The following PCDH9 variants were observed in gnomAD, a reference collection of about 807,000 sequenced individuals.
PCDH9 encodes protocadherin 9.
Under a neutral mutation model 70.6 loss-of-function variants are expected in PCDH9, and 24 were observed. The observed-to-expected ratio is 0.34, with a 90% CI of 0.25 to 0.48. The LOEUF is 0.48. PCDH9 is among the 20% of genes least tolerant of loss of function. The pLI, the probability that PCDH9 is intolerant of heterozygous loss-of-function variation, is 0.99. For synonymous variants in PCDH9, 562 were observed against 558.5 expected (o/e 1.01, Z -0.09); for missense variants, 1,281 against 1,503.6 (o/e 0.85, Z 2.45).
At chr13:66,321,816 T>C (rs1955760494) in intron 4 of PCDH9, among the ~76,000 whole-genome samples, 1 of 151,944 alleles carries the variant, frequency 6.6e-6, no homozygotes, top group Non-Finnish European at 1.5e-5. Context: ...TGCTTGAAGT[T>C]TCTTCTTTGG....
chr13:66,308,754 A>T (rs537913471), intron 4 of PCDH9, among the ~76,000 whole-genome samples: 1 of 152,112 alleles, frequency 6.6e-6, no homozygotes, highest in South Asian at 2.1e-4. Flanking sequence ...GTATCAAAGC[A>T]TTTGCTTAGG....
chr13:66,801,884 TA>T (rs942381105), intron 3 of PCDH9, among the ~76,000 whole-genome samples: 1 of 152,048 alleles, frequency 6.6e-6, no homozygotes, highest in African/African-American at 2.4e-5. Flanking sequence ...ATAATCATTC[TA>T]AAAGTAGTTT....
At chr13:66,716,068 T>C (rs904581503) in intron 3 of PCDH9, among the ~76,000 whole-genome samples, 1 of 152,236 alleles carries the variant, frequency 6.6e-6, no homozygotes, top group African/African-American at 2.4e-5. Flanking sequence ...AAAAACATGC[T>C]TAATACTATC....
Position 67,133,420 on chromosome 13 carries a change from A to G in PCDH9, c.3036+91985T>C, listed in dbSNP as rs574087544. On this transcript the variant is annotated intron_variant, in intron 2 of 4. Coordinates refer to ENST00000377865, the MANE Select transcript of PCDH9 (RefSeq NM_203487.3). ...ATTTCATATGTCTGGATGCATTTGC[A>G]TAGAGGCTGAATGAGACAGAAAGGA... 2.6e-3 allele frequency among the ~76,000 whole-genome samples: 390 copies of G among 152,206 alleles called. 2 individuals carry two copies. Among genetic ancestry groups the G allele is most frequent in the South Asian group, 8.7e-3 (42 of 4,822 alleles).
At chr13:66,794,361 A>G (rs2080206614) in intron 3 of PCDH9, among the ~76,000 whole-genome samples, 1 of 152,050 alleles carries the variant, frequency 6.6e-6, no homozygotes, top group Non-Finnish European at 1.5e-5. Flanking sequence ...ATTAATACAC[A>G]CCAATTTAGA....
rs769272344 is a variant in PCDH9 at position 67,228,412 on chromosome 13, G to A, written c.29C>T (p.Ala10Val). 1 of 1,592,684 alleles carries A rather than the reference G, an allele frequency of 6.3e-7. No homozygotes were observed. The highest frequency in any genetic ancestry group is 1.1e-5 in the South Asian group (1 of 87,388). MDLRDFYLL[A>V]ALIACLRLDS... is the part of the protein sequence containing the mutation. ...CAGCCTTAAACAGGCAATCAGAGCA[G>A]CCAACAGGTAAAAATCCCTCAGGTC... Residue 10 changes from alanine to valine, a missense_variant, in exon 2 of 5, where the codon GCT becomes GTT. Coordinates refer to ENST00000377865, the MANE Select transcript of PCDH9 (RefSeq NM_203487.3).
intron 4 of PCDH9, among the ~76,000 whole-genome samples, chr13:66,405,298 C>T (rs1343889505): frequency 6.6e-6 from 1 of 152,098 alleles, no homozygotes; most frequent in Non-Finnish European, 1.5e-5. Context: ...ATGTTGTTTG[C>T]AATAAGAAAC....
At chr13:66,663,286 C>G (rs1377335828) in intron 3 of PCDH9, among the ~76,000 whole-genome samples, 1 of 151,920 alleles carries the variant, frequency 6.6e-6, no homozygotes, top group African/African-American at 2.4e-5. Context: ...AAAATAAGTC[C>G]CTTTCACCAT....
At chr13:66,491,796 G>A (rs1959038205) in intron 4 of PCDH9, among the ~76,000 whole-genome samples, 1 of 152,154 alleles carries the variant, frequency 6.6e-6, no homozygotes, top group Non-Finnish European at 1.5e-5. Flanking sequence ...TACTTGTCAT[G>A]GTCCATTTCT....
At chr13:67,125,630 A>T (rs567854232) in intron 2 of PCDH9, among the ~76,000 whole-genome samples, 1 of 152,286 alleles carries the variant, frequency 6.6e-6, no homozygotes, top group Non-Finnish European at 1.5e-5. Context: ...ATCCAGTCTA[A>T]GCTGCAACTG....
chr13:66,419,631 A>G (rs920666854), intron 4 of PCDH9, among the ~76,000 whole-genome samples: 13 of 151,978 alleles, frequency 8.6e-5, no homozygotes. Context: ...CCAAGATGCT[A>G]TGCTTTTCCC....
At chr13:67,011,202 C>A (rs577711834) in intron 2 of PCDH9, among the ~76,000 whole-genome samples, 1 of 151,632 alleles carries the variant, frequency 6.6e-6, no homozygotes, top group South Asian at 2.1e-4. Context: ...GGAACTGTCA[C>A]CCCCCCAGTA....
intron 3 of PCDH9, among the ~76,000 whole-genome samples, chr13:66,699,830 C>T (rs1440420386): frequency 1.3e-5 from 2 of 152,052 alleles, no homozygotes; most frequent in African/African-American, 4.8e-5. Flanking sequence ...ATTTGAAATG[C>T]TAAGCTGACT....
At chr13:66,529,684 T>A (rs9540793) in intron 4 of PCDH9, among the ~76,000 whole-genome samples, 35,954 of 151,852 alleles carry the variant, frequency 0.24, 4,714 homozygotes, top group South Asian at 0.34. Flanking sequence ...TATTTAATAG[T>A]TCACACTGAT....
intron 2 of PCDH9, among the ~76,000 whole-genome samples, chr13:66,971,530 T>C (rs1461234768): frequency 6.6e-6 from 1 of 152,044 alleles, no homozygotes; most frequent in Non-Finnish European, 1.5e-5. Flanking sequence ...CTTATTCTGA[T>C]TATTCGATTT....
At chr13:66,537,582 G>C (rs1435867017) in intron 4 of PCDH9, among the ~76,000 whole-genome samples, 3 of 151,984 alleles carry the variant, frequency 2.0e-5, no homozygotes, top group African/African-American at 7.2e-5. Context: ...TGCAGTGCTG[G>C]AGCAGAGGGA....
intron 3 of PCDH9, among the ~76,000 whole-genome samples, chr13:66,846,062 C>A (rs118098875): frequency 0.015 from 2,214 of 148,560 alleles, 37 homozygotes; most frequent in Middle Eastern, 0.035. Flanking sequence ...ACAAGATGGG[C>A]CATAACATTT....
rs569603521 is a variant in PCDH9, at chr13:67,013,734, C to T, written c.3037-110129G>A. On this transcript the variant is annotated intron_variant, in intron 2 of 4. Transcript: ENST00000377865. ...TTGTTGATGGATAACAAAAAAAAAT[C>T]AAAGATTAAATAGGAAAAATACAAT... 3.3e-5 allele frequency among the ~76,000 whole-genome samples: 5 copies of T among 150,196 alleles called. No individual in the cohort carries two copies. The South Asian group carries it at 1.1e-3, about 32-fold the overall frequency.
intron 1 of PCDH9, among the ~76,000 whole-genome samples, chr13:67,228,998 G>C (rs1294774424): frequency 6.6e-6 from 1 of 152,192 alleles, no homozygotes; most frequent in Admixed American, 6.5e-5. Context: ...TGTCAAATGT[G>C]TTTTCTTCTC....
Sources: gnomAD v4.1 joint callset for allele counts (sites outside exome capture counted in the v4.1 genomes callset) on GRCh38, gnomAD v4.1.1 for gene constraint, MANE v1.5 for transcripts, NCBI Gene and HGNC (gene_info 2026-07-23, HGNC 2026-07-21) for gene names.